SLC25A41: variants seen among roughly 807,000 people sequenced by gnomAD.
SLC25A41 encodes the protein solute carrier family 25 member 41.
In SLC25A41, 35 loss-of-function variants were observed where a neutral mutation model predicts 34.7. The ratio of observed to expected loss-of-function variants is 1.01; its 90% CI spans 0.77 to 1.34. The LOEUF (loss-of-function observed/expected upper bound fraction) is 1.34. Ranked by LOEUF, SLC25A41 falls within the 40% of genes most tolerant of loss-of-function variation. SLC25A41 has a pLI of 0.00. For missense variants in SLC25A41, 492 were observed against 489.8 expected (o/e 1.00, Z -0.04); for synonymous variants, 190 against 209.9 (o/e 0.91, Z 0.82).
At chr19:6,435,538 T>A (rs1424053389), upstream of SLC25A41, among the ~76,000 whole-genome samples, 1 of 152,010 alleles carries the variant, frequency 6.6e-6, no homozygotes, top group Non-Finnish European at 1.5e-5. Flanking sequence ...CTGGCCAACA[T>A]GATAAAACCC....
At position 6,430,434 on chromosome 19, in the gene SLC25A41, C is replaced by T. The variant is rs1339451727; in HGVS notation, c.364-273G>A. 1.3e-5 allele frequency: 7 copies of T among 541,780 alleles called. No homozygotes were observed. The South Asian group carries it at 1.5e-4, about 11-fold the overall frequency. The allele number at this position is 541,780 out of a possible 1,614,324, so 33.6% of individuals were successfully genotyped here. ...CTCTCTTTCTTCCTTCCATCCTTTCCTTTCTTTCTCCCTTTTTGTTCCCTC... is the reference window on the plus strand; with the variant it reads ...CTCTCTTTCTTCCTTCCATCCTTTCTTTTCTTTCTCCCTTTTTGTTCCCTC... On this transcript the variant is annotated intron_variant, in intron 2 of 6. Transcript: ENST00000321510.
upstream of SLC25A41, among the ~76,000 whole-genome samples, chr19:6,434,876 T>C (rs1193892685): frequency 2.0e-5 from 3 of 151,534 alleles, no homozygotes; most frequent in African/African-American, 7.3e-5. Flanking sequence ...GCCATTGCAC[T>C]GCAGCCTGGG....
intron 2 of SLC25A41, 58 bp from the exon 3 acceptor site, chr19:6,430,219 C>T (rs774419177): frequency 1.3e-5 from 20 of 1,527,336 alleles, no homozygotes; most frequent in Non-Finnish European, 1.8e-5. Flanking sequence ...CGTCCCCATC[C>T]CTGCCCCAAG....
At chr19:6,433,862 C>T (rs572127950), upstream of SLC25A41, 242 of 495,552 alleles carry the variant, frequency 4.9e-4, 2 homozygotes, top group African/African-American at 4.0e-3. Context: ...TGGCCCCCTT[C>T]CCCCAAGTAT....
rs1568349760 is a variant in SLC25A41, at chr19:6,429,132, AT to A, written c.624+591del. ...ATAATATATATATTATATATATGTT[AT>A]ATATATATATAATATATATATTATA... On this transcript the variant is annotated intron_variant, in intron 4 of 6. Transcript: ENST00000321510. Among the ~76,000 whole-genome samples, 7 of 6,312 alleles carry A rather than the reference AT, an allele frequency of 1.1e-3. 2 individuals are homozygous for A. Among genetic ancestry groups the A allele is most frequent in the Admixed American group, 6.1e-3 (2 of 330 alleles). The allele number at this position is 6,312 out of a possible 152,430, so 4.1% of individuals were successfully genotyped here.
chr19:6,430,216 A>G, intron 2 of SLC25A41, 55 bp from the exon 3 acceptor site: 1 of 1,530,554 alleles, frequency 6.5e-7, no homozygotes, highest in Non-Finnish European at 8.8e-7. Flanking sequence ...CTCCGTCCCC[A>G]TCCCTGCCCC....
rs1483995405 is a variant in SLC25A41 at position 6,433,141 on chromosome 19, T to G, written c.207+346A>C. On this transcript the variant is annotated intron_variant, in intron 1 of 6. Transcript: ENST00000321510. ...TGGGCTCACTGCAACCTCTACCTCC[T>G]GAGTTCAAGCGATTCTCCTGCCTCA... Among the ~76,000 whole-genome samples the G allele has an allele frequency of 2.6e-5, 4 of 152,108 alleles. No homozygotes were observed. The South Asian group carries it at 6.2e-4, about 24-fold the overall frequency.
chr19:6,428,701 T>C (rs1388549706), intron 4 of SLC25A41, among the ~76,000 whole-genome samples: 1 of 146,616 alleles, frequency 6.8e-6, no homozygotes, highest in Admixed American at 7.0e-5. Context: ...ATATTATATA[T>C]AAAACATATA....
chr19:6,426,195 C>A lies in SLC25A41; in HGVS notation c.*194G>T, dbSNP rs962670703. On this transcript the variant is annotated 3_prime_UTR_variant, in exon 7 of 7. Coordinates refer to ENST00000321510, the MANE Select transcript of SLC25A41 (RefSeq NM_173637.4). The stretch of plus-strand genomic sequence containing the variant: ...CCAGGAGTTTTCTGACCCAGCACTG[C>A]CCCCCTCCACCCACCACCAACCCCA... 2 of 586,038 alleles carry A rather than the reference C, an allele frequency of 3.4e-6. No homozygotes were observed. Among genetic ancestry groups the A allele is most frequent in the South Asian group, 2.4e-5 (1 of 41,224 alleles). The allele number at this position is 586,038 out of a possible 1,614,324, so 36.3% of individuals were successfully genotyped here. A position where few individuals can be genotyped will look rare whatever the true frequency, so the allele number is the denominator to read the frequency against.
At chr19:6,429,056 TATGTTATATATATATATAATA>T (rs2092259827) in intron 4 of SLC25A41, among the ~76,000 whole-genome samples, 3 of 52,836 alleles carry the variant, frequency 5.7e-5, no homozygotes, top group Admixed American at 4.1e-4. Flanking sequence ...ATATTATATA[TATGTTATATATATATATAATA>T]TATATATTAT....
At chr19:6,430,428 C>T (rs1435606601) in intron 2 of SLC25A41, 7 of 549,492 alleles carry the variant, frequency 1.3e-5, no homozygotes, top group Non-Finnish European at 2.3e-5. Context: ...TTCCTTCCAT[C>T]CTTTCCTTTC....
At chr19:6,426,588 C>G (rs377497869) in intron 6 of SLC25A41, 27 bp from the exon 7 acceptor site, 2 of 1,605,534 alleles carry the variant, frequency 1.2e-6, no homozygotes, top group Non-Finnish European at 1.7e-6. Context: ...AAGATCAGGA[C>G]TAGGCCAGAG....
rs568446486 is a variant in SLC25A41, at chr19:6,426,786, G to A, written c.941-225C>T. ...TTTAGGAAATTTTCTTGAGGGGTGG[G>A]AGTGGGGATAGGGTCTCTCTCTGTT... On this transcript the variant is annotated intron_variant, in intron 6 of 6. Transcript: ENST00000321510. Among the ~76,000 whole-genome samples the A allele has an allele frequency of 1.1e-4, 17 of 152,244 alleles. No individual in the cohort carries two copies. The South Asian group carries it at 3.5e-3, about 32-fold the overall frequency.
Position 6,426,183 on chromosome 19 carries a change from G to C in SLC25A41, c.*206C>G. 1 of 555,888 alleles carries C rather than the reference G, an allele frequency of 1.8e-6. No homozygotes were observed. Among genetic ancestry groups the C allele is most frequent in the Non-Finnish European group, 3.2e-6 (1 of 316,396 alleles). The allele number at this position is 555,888 out of a possible 1,614,324, so 34.4% of individuals were successfully genotyped here. ...GGGGAGGGAGTCCCAGGAGTTTTCT[G>C]ACCCAGCACTGCCCCCCTCCACCCA... On this transcript the variant is annotated 3_prime_UTR_variant, in exon 7 of 7. Transcript: ENST00000321510.
rs770238573 is a variant in SLC25A41, at chr19:6,427,301, C to G, written c.792+33G>C. 2 of 1,605,938 alleles carry G rather than the reference C, an allele frequency of 1.2e-6. No individual in the cohort carries two copies. The highest frequency in any genetic ancestry group is 1.7e-6 in the Non-Finnish European group (2 of 1,175,052). ...AGCTCACTAGGAGCCTGGGCTCCGG[C>G]CAGCCCTGCCACCCCCTCTGCAGGA... On this transcript the variant is annotated intron_variant, in intron 5 of 6. Coordinates refer to ENST00000321510, the MANE Select transcript of SLC25A41 (RefSeq NM_173637.4). This position sits in a 1 kb window ranked among gnomAD's most constrained non-coding sequence, Gnocchi z 4.9.
upstream of SLC25A41, among the ~76,000 whole-genome samples, chr19:6,435,877 C>A (rs1359591193): frequency 4.0e-5 from 6 of 151,154 alleles, no homozygotes; most frequent in African/African-American, 1.5e-4. Flanking sequence ...AAAAAGTAGT[C>A]AGGCATGGTG....
intron 1 of SLC25A41, 21 bp downstream of exon 1, chr19:6,433,466 A>G (rs1336348802): frequency 1.9e-6 from 3 of 1,610,516 alleles, no homozygotes; most frequent in African/African-American, 2.7e-5. Flanking sequence ...GTGCCGGGAC[A>G]CTGGTGTTTC....
rs1453301934 is a variant in SLC25A41, at chr19:6,429,750, A to T, written c.598T>A (p.Ser200Thr). Residue 200 changes from serine (S) to threonine (T), a missense_variant, in exon 4 of 7, where the codon TCC (serine) becomes ACC (threonine). Coordinates refer to ENST00000321510, the MANE Select transcript of SLC25A41 (RefSeq NM_173637.4). ...TCCATGGGGTTGATGAGGGTCTGGG[A>T]GATGGCCACAGCCAGGGAGCCAGCA... ...LLAGSLAVAI[S>T]QTLINPMEVL... 6.2e-7 allele frequency: 1 copy of T among 1,607,162 alleles called. No individual in the cohort carries two copies.
chr19:6,431,577 C>T (rs2092285679), intron 2 of SLC25A41, among the ~76,000 whole-genome samples: 1 of 151,848 alleles, frequency 6.6e-6, no homozygotes, highest in Non-Finnish European at 1.5e-5. Flanking sequence ...GTAGCTGGGA[C>T]TACAGGCACG....
Sources: allele counts gnomAD v4.1 joint callset (sites outside exome capture counted in the v4.1 genomes callset), GRCh38; gene constraint gnomAD v4.1.1; non-coding constraint Gnocchi (gnomAD v3.1); transcripts MANE v1.5; gene names NCBI Gene and HGNC (gene_info 2026-07-23, HGNC 2026-07-21).